Variants in PLCB1 observed in about 807,000 individuals in gnomAD.
PLCB1 encodes the protein 1-phosphatidylinositol 4,5-bisphosphate phosphodiesterase beta-1.
Under a neutral mutation model 161.8 loss-of-function variants are expected in PLCB1, and 46 were observed. The observed-to-expected ratio is 0.28, with a 90% CI of 0.22 to 0.36. The LOEUF (loss-of-function observed/expected upper bound fraction) is 0.36. PLCB1 is among the 10% of genes least tolerant of loss of function. The pLI, the probability that PLCB1 is intolerant of heterozygous loss-of-function variation, is 1.00. For synonymous variants in PLCB1, 517 were observed against 503.7 expected, an observed-to-expected ratio of 1.03 and a Z score of -0.35; for missense variants, 1,016 against 1,472.5, an observed-to-expected ratio of 0.69 and a Z score of 5.07.
intron 3 of PLCB1, among the ~76,000 whole-genome samples, chr20:8,423,758 C>T (rs961739333): frequency 6.6e-6 from 1 of 152,164 alleles, no homozygotes; most frequent in African/African-American, 2.4e-5. Flanking sequence ...AAATTAACAA[C>T]AGACTAGTTC....
At chr20:8,852,957 C>T (rs1330282195) in intron 31 of PLCB1, among the ~76,000 whole-genome samples, 2 of 152,138 alleles carry the variant, frequency 1.3e-5, no homozygotes, top group African/African-American at 4.8e-5. Context: ...AGTGTGGCAG[C>T]CCCCATATCC....
chr20:8,854,411 T>C (rs1202346921), intron 31 of PLCB1, among the ~76,000 whole-genome samples: 2 of 152,172 alleles, frequency 1.3e-5, no homozygotes, highest in Non-Finnish European at 2.9e-5. Context: ...AATAACACCA[T>C]GGTGTTTACT....
At chr20:8,444,094 G>T (rs1980694236) in intron 3 of PLCB1, among the ~76,000 whole-genome samples, 1 of 151,898 alleles carries the variant, frequency 6.6e-6, no homozygotes, top group African/African-American at 2.4e-5. Context: ...CAATGTGCAG[G>T]TTTGTTACAT....
rs57793768 is a variant in PLCB1, at chr20:8,184,769, T to TTTATTATTATTA, written c.177+34427_177+34438dup. ...AACATTTCGAAAGTTTGGCAATACCTTTATTATTATTATTATTATTATTAT... is the reference window on the plus strand; with the variant it reads ...AACATTTCGAAAGTTTGGCAATACCTTTATTATTATTATTATTATTATTATTATTATTATTAT... On this transcript the variant is annotated intron_variant, in intron 2 of 31. Coordinates refer to ENST00000338037, the MANE Select transcript of PLCB1 (RefSeq NM_015192.4). 6.5e-3 allele frequency among the ~76,000 whole-genome samples: 927 copies of TTTATTATTATTA among 141,892 alleles called. 7 individuals are homozygous for TTTATTATTATTA. Among genetic ancestry groups the TTTATTATTATTA allele is most frequent in the Middle Eastern group, 0.018 (5 of 282 alleles). The allele number at this position is 141,892 out of a possible 152,430, so 93.1% of individuals were successfully genotyped here. A position where few individuals can be genotyped will look rare whatever the true frequency, so the allele number is the denominator to read the frequency against.
At chr20:8,733,509 C>G (rs531599705) in intron 19 of PLCB1, 117 bp downstream of exon 19, 4 of 906,608 alleles carry the variant, frequency 4.4e-6, no homozygotes, top group African/African-American at 1.7e-5. Context: ...CTACTTTCTT[C>G]CTACATTTTT....
chr20:8,151,413 G>T (rs1204733794), intron 2 of PLCB1, among the ~76,000 whole-genome samples: 1 of 152,142 alleles, frequency 6.6e-6, no homozygotes, highest in East Asian at 1.9e-4. Flanking sequence ...GAATGAGCCT[G>T]TTTACACATC....
intron 3 of PLCB1, among the ~76,000 whole-genome samples, chr20:8,489,242 A>C (rs1315761190): frequency 6.6e-6 from 1 of 152,108 alleles, no homozygotes; most frequent in African/African-American, 2.4e-5. Context: ...ACGTCTATAC[A>C]CCAGATTTGC....
chr20:8,764,716 A>C (rs1982223223), intron 25 of PLCB1, among the ~76,000 whole-genome samples: 1 of 152,112 alleles, frequency 6.6e-6, no homozygotes, highest in Non-Finnish European at 1.5e-5. Context: ...TCAGTGGTAC[A>C]ACTCACACTC....
intron 9 of PLCB1, among the ~76,000 whole-genome samples, chr20:8,669,168 A>T (rs992750793): frequency 2.6e-5 from 4 of 152,250 alleles, no homozygotes; most frequent in African/African-American, 9.6e-5. Context: ...ATATTCATTC[A>T]TTCGTAAATA....
chr20:8,801,315 A>G (rs995203153), intron 31 of PLCB1, among the ~76,000 whole-genome samples: 30 of 152,208 alleles, frequency 2.0e-4, no homozygotes, highest in African/African-American at 6.7e-4. Context: ...ATTAAAATTT[A>G]CAACCCCCCT....
rs184463357 is a variant in PLCB1, at chr20:8,606,997, G to T, written c.247-21297G>T. On this transcript the variant is annotated intron_variant, in intron 3 of 31. Transcript: ENST00000338037. ...GCTCTAACAGTTTAGGCAGGAGATG[G>T]TTCCCAATTCTAAATCCATAGCTTT... 7.8e-3 allele frequency among the ~76,000 whole-genome samples: 1,182 copies of T among 152,228 alleles called. 5 individuals carry two copies. The highest frequency in any genetic ancestry group is 0.034 in the Middle Eastern group (10 of 294).
chr20:8,763,659 T>TA (rs757557679), intron 25 of PLCB1, among the ~76,000 whole-genome samples: 1 of 152,098 alleles, frequency 6.6e-6, no homozygotes, highest in Non-Finnish European at 1.5e-5. Flanking sequence ...GTGCTGGACT[T>TA]ACAGGCATGC....
intron 9 of PLCB1, among the ~76,000 whole-genome samples, chr20:8,679,838 T>G (rs979357056): frequency 2.0e-5 from 3 of 152,238 alleles, no homozygotes; most frequent in Non-Finnish European, 4.4e-5. Flanking sequence ...CAATTTCTCT[T>G]TCTGGTGATT....
intron 3 of PLCB1, among the ~76,000 whole-genome samples, chr20:8,502,639 G>C (rs1369314264): frequency 6.6e-6 from 1 of 151,978 alleles, no homozygotes; most frequent in Non-Finnish European, 1.5e-5. Context: ...TGGTAAATTG[G>C]TAGTTACTCC....
rs1232990898 is a variant in PLCB1 at position 8,716,259 on chromosome 20, C to T, written c.1251-5C>T. On this transcript the variant is annotated splice_region_variant and splice_polypyrimidine_tract_variant and intron_variant, in intron 12 of 31. Transcript: ENST00000338037. ...TTTCCTTCTTCTGTTCTTGTTCTCC[C>T]TTAGCCCAAAGCAGCAAGCCAAGAT... 1 of 1,612,774 alleles carries T rather than the reference C, an allele frequency of 6.2e-7. No homozygotes were observed. Among genetic ancestry groups the T allele is most frequent in the East Asian group, 2.2e-5 (1 of 44,858 alleles).
intron 20 of PLCB1, among the ~76,000 whole-genome samples, chr20:8,737,569 G>T (rs1352680104): frequency 6.6e-6 from 1 of 152,098 alleles, no homozygotes; most frequent in African/African-American, 2.4e-5. Flanking sequence ...TCCTTTAAAA[G>T]GAATATTATT....
chr20:8,187,820 A>T (rs2051921986), intron 2 of PLCB1, among the ~76,000 whole-genome samples: 2 of 152,134 alleles, frequency 1.3e-5, no homozygotes, highest in East Asian at 3.9e-4. Flanking sequence ...TGAATCTATG[A>T]GTGCATAGGA....
chr20:8,410,310 A>G (rs955816675), intron 3 of PLCB1, among the ~76,000 whole-genome samples: 7 of 152,186 alleles, frequency 4.6e-5, no homozygotes, highest in African/African-American at 1.7e-4. Flanking sequence ...GCTGAGTCCT[A>G]GAGTGTGCTT....
chr20:8,258,125 T>C lies in PLCB1; in HGVS notation c.177+107754T>C, dbSNP rs144432203. 1.9e-4 allele frequency among the ~76,000 whole-genome samples: 29 copies of C among 151,972 alleles called. No homozygotes were observed. The East Asian group carries it at 5.4e-3, about 28-fold the overall frequency. On this transcript the variant is annotated intron_variant, in intron 2 of 31. Transcript: ENST00000338037. The stretch of plus-strand genomic sequence containing the variant: ...AAATTTCTCATTATGTATGGCATGA[T>C]TTTTTTAAAAAGAAACATTATATAT...
Sources: allele counts gnomAD v4.1 joint callset (sites outside exome capture counted in the v4.1 genomes callset), GRCh38; gene constraint gnomAD v4.1.1; transcripts MANE v1.5; gene names NCBI Gene and HGNC (gene_info 2026-07-23, HGNC 2026-07-21).